ZFP91: variants seen among roughly 807,000 people sequenced by gnomAD.
The protein encoded by ZFP91 is E3 ubiquitin-protein ligase ZFP91.
ZFP91 carries 7 observed loss-of-function variants against 63.5 expected under a neutral mutation model. That is an observed-to-expected ratio of 0.11 (90% CI 0.06 to 0.21). The LOEUF is 0.21. Among genes scored for constraint, ZFP91 ranks in the 10% least tolerant of loss-of-function variants. The pLI is 1.00. For synonymous variants in ZFP91, 330 were observed against 272.1 expected, an observed-to-expected ratio of 1.21 and a Z score of -2.10; for missense variants, 628 against 736.6, an observed-to-expected ratio of 0.85 and a Z score of 1.71.
intron 2 of ZFP91, among the ~76,000 whole-genome samples, chr11:58,595,273 C>T (rs1855377943): frequency 6.6e-6 from 1 of 152,020 alleles, no homozygotes; most frequent in African/African-American, 2.4e-5. Flanking sequence ...TTGTTAATTG[C>T]CCAGAAGAAA....
In ZFP91 at chr11:58,617,248, A is replaced by G. The variant is rs1344513517; in HGVS notation, c.1255A>G (p.Met419Val). Residue 419 changes from methionine to valine, a missense_variant, in exon 11 of 11, where the codon ATG becomes GTG. Transcript: ENST00000316059. This position sits in a 1 kb window ranked among gnomAD's most constrained non-coding sequence, Gnocchi z 4.2. ...CRQKASLNWHMKKHDADSFYQ... is the reference protein window; with the variant it reads ...CRQKASLNWHVKKHDADSFYQ... ...ACAAAAGGCATCTCTTAATTGGCAC[A>G]TGAAGAAACATGATGCAGACTCCTT... is the stretch of plus-strand genomic sequence containing the variant. 1.9e-6 allele frequency: 3 copies of G among 1,610,760 alleles called. No homozygotes were observed. Among genetic ancestry groups the G allele is most frequent in the African/African-American group, 1.3e-5 (1 of 74,648 alleles).
intron 2 of ZFP91, among the ~76,000 whole-genome samples, chr11:58,592,315 G>A (rs2134397568): frequency 6.6e-6 from 1 of 152,060 alleles, no homozygotes; most frequent in Middle Eastern, 3.4e-3. Flanking sequence ...TCAAACTCCT[G>A]ACCTCAGATG....
chr11:58,581,009 T>C (rs1855104409), intron 1 of ZFP91, among the ~76,000 whole-genome samples: 1 of 152,218 alleles, frequency 6.6e-6, no homozygotes, highest in South Asian at 2.1e-4. Flanking sequence ...GCAAATTCCT[T>C]AACCTACCCA....
chr11:58,617,644 T>C lies in ZFP91; in HGVS notation c.1651T>C (p.Ser551Pro). 1.3e-6 allele frequency: 2 copies of C among 1,562,020 alleles called. No individual in the cohort carries two copies. Among genetic ancestry groups the C allele is most frequent in the African/African-American group, 1.4e-5 (1 of 73,424 alleles). ...SGGTEGLVMN[S>P]DILGATTEVL... ...AGGCACTGAAGGGCTGGTTATGAAC[T>C]CAGATATACTCGGTGCTACCACAGA... Residue 551 changes from serine to proline, a missense_variant, in exon 11 of 11, where the codon TCA becomes CCA. Coordinates refer to ENST00000316059, the MANE Select transcript of ZFP91 (RefSeq NM_053023.5). This position sits in a 1 kb window ranked among gnomAD's most constrained non-coding sequence, Gnocchi z 4.2.
chr11:58,599,093 A>G (rs1855452730), intron 2 of ZFP91, among the ~76,000 whole-genome samples: 1 of 151,860 alleles, frequency 6.6e-6, no homozygotes, highest in South Asian at 2.1e-4. Context: ...CATCTATCAT[A>G]TAGCATATTT....
At chr11:58,610,119 C>T in intron 3 of ZFP91, 80 bp downstream of exon 3, 3 of 1,529,416 alleles carry the variant, frequency 2.0e-6, no homozygotes, top group Non-Finnish European at 2.7e-6. Context: ...TTTGTGTTAA[C>T]AGCTTAACTG....
intron 2 of ZFP91, among the ~76,000 whole-genome samples, chr11:58,608,286 A>G (rs965553802): frequency 5.3e-5 from 8 of 151,644 alleles, no homozygotes; most frequent in African/African-American, 1.9e-4. Flanking sequence ...CTACTCTTCT[A>G]CTACTTAAAA....
intron 2 of ZFP91, among the ~76,000 whole-genome samples, chr11:58,600,440 A>G (rs1234181297): frequency 6.6e-6 from 1 of 151,924 alleles, no homozygotes; most frequent in African/African-American, 2.4e-5. Context: ...GGTAATAATT[A>G]TTTTCTTAAT....
intron 2 of ZFP91, among the ~76,000 whole-genome samples, chr11:58,599,801 A>T (rs564749329): frequency 2.0e-5 from 3 of 152,076 alleles, no homozygotes; most frequent in African/African-American, 7.2e-5. Context: ...CTTCACTTCT[A>T]TGCATTTTTT....
chr11:58,582,348 T>C (rs966976400), intron 1 of ZFP91, among the ~76,000 whole-genome samples: 1 of 152,242 alleles, frequency 6.6e-6, no homozygotes, highest in Non-Finnish European at 1.5e-5. Context: ...TATCTTTGAC[T>C]TTGAGTCATT....
In ZFP91 at chr11:58,619,379, A is replaced by G. The variant is rs1855808549; in HGVS notation, c.*1673A>G. 2 of 152,216 alleles carry G rather than the reference A, an allele frequency of 1.3e-5. No homozygotes were observed. Among genetic ancestry groups the G allele is most frequent in the South Asian group, 4.1e-4 (2 of 4,824 alleles). 9.4% of individuals were successfully genotyped at this position (152,216 alleles called of 1,614,324 possible). A position where few individuals can be genotyped will look rare whatever the true frequency, so the allele number is the denominator to read the frequency against. On this transcript the variant is annotated 3_prime_UTR_variant, in exon 11 of 11. Transcript: ENST00000316059. ...TTGGCTCATCTTCAGGTAAAGAGTA[A>G]TTCCTATCCTGTGTGCCTCAGAAGC...
At position 58,618,790 on chromosome 11, in the gene ZFP91, T is replaced by C. The variant is rs1281457732; in HGVS notation, c.*1084T>C. On this transcript the variant is annotated 3_prime_UTR_variant, in exon 11 of 11. Coordinates refer to ENST00000316059, the MANE Select transcript of ZFP91 (RefSeq NM_053023.5). ...CAAAATCACTACAATAGCCTAGTGC[T>C]TTTTTGGAAGCCTTTTTAGGGAAGA... is the stretch of plus-strand genomic sequence containing the variant. 3 of 430,974 alleles carry C rather than the reference T, an allele frequency of 7.0e-6. No homozygotes were observed. Among genetic ancestry groups the C allele is most frequent in the Non-Finnish European group, 9.2e-6 (2 of 218,278 alleles). 26.7% of individuals were successfully genotyped at this position (430,974 alleles called of 1,614,324 possible). A position where few individuals can be genotyped will look rare whatever the true frequency, so the allele number is the denominator to read the frequency against.
chr11:58,616,637 A>G (rs1855752953), intron 9 of ZFP91, 79 bp from the exon 10 acceptor site: 4 of 1,176,686 alleles, frequency 3.4e-6, no homozygotes, highest in Non-Finnish European at 5.0e-6. Flanking sequence ...TGCCTGCCCC[A>G]TCATCTGCTT....
intron 10 of ZFP91, 144 bp downstream of exon 10, chr11:58,616,959 G>C: frequency 1.1e-6 from 1 of 894,012 alleles, no homozygotes; most frequent in South Asian, 1.8e-5. Context: ...GCATTAGTTA[G>C]TAGCCTTTTT....
intron 6 of ZFP91, 79 bp downstream of exon 6, chr11:58,611,817 G>C: frequency 6.7e-6 from 10 of 1,491,548 alleles, no homozygotes; most frequent in Non-Finnish European, 9.0e-6. Flanking sequence ...GTGTGAGGAA[G>C]GATGTTGACG....
chr11:58,612,875 T>C (rs2134421833), intron 8 of ZFP91, 35 bp downstream of exon 8: 1 of 1,566,384 alleles, frequency 6.4e-7, no homozygotes, highest in Non-Finnish European at 8.7e-7. Context: ...CCTTTCAGGT[T>C]GTGTTCCATT....
chr11:58,588,175 C>G (rs1433919004), intron 2 of ZFP91, among the ~76,000 whole-genome samples: 3 of 152,092 alleles, frequency 2.0e-5, no homozygotes, highest in Non-Finnish European at 4.4e-5. Context: ...AACTCTGGAT[C>G]TCAACCTTTT....
chr11:58,609,675 A>G (rs191241759), intron 2 of ZFP91, among the ~76,000 whole-genome samples, 155 bp from the exon 3 acceptor site: 8 of 152,128 alleles, frequency 5.3e-5, no homozygotes, highest in African/African-American at 1.7e-4. Flanking sequence ...GTTTTATCTC[A>G]TTTTCCTTTT....
chr11:58,612,000 AAAAGT>A (rs1855672904), intron 6 of ZFP91: 1 of 524,960 alleles, frequency 1.9e-6, no homozygotes. Context: ...TAGCAACTCT[AAAAGT>A]AATACATTGA....
Sources: allele counts gnomAD v4.1 joint callset (sites outside exome capture counted in the v4.1 genomes callset), GRCh38; gene constraint gnomAD v4.1.1; non-coding constraint Gnocchi (gnomAD v3.1); transcripts MANE v1.5; gene names NCBI Gene and HGNC (gene_info 2026-07-23, HGNC 2026-07-21).